Variants in EEIG2 observed in about 807,000 individuals in gnomAD.
EEIG2 encodes family with sequence similarity 102 member B.
At chr1:108,589,559 GT>G in the EEIG2 span, among the ~76,000 whole-genome samples, 1 of 151,748 alleles carries the variant, frequency 6.6e-6, no homozygotes, top group African/African-American at 2.4e-5. Flanking sequence ...TTCTTTAAAG[GT>G]TTTCCCCTTG....
the EEIG2 span, among the ~76,000 whole-genome samples, chr1:108,579,570 C>T: frequency 2.0e-5 from 3 of 149,126 alleles, no homozygotes; most frequent in Admixed American, 1.3e-4. Flanking sequence ...GAATTGAACT[C>T]AGCTCTGCAC....
At chr1:108,572,304 A>G in the EEIG2 span, among the ~76,000 whole-genome samples, 1 of 152,132 alleles carries the variant, frequency 6.6e-6, no homozygotes, top group East Asian at 1.9e-4. Context: ...AATTGAATGG[A>G]AAATACGCAG....
At chr1:108,621,327 G>A in the EEIG2 span, among the ~76,000 whole-genome samples, 1 of 152,186 alleles carries the variant, frequency 6.6e-6, no homozygotes, top group Non-Finnish European at 1.5e-5. Flanking sequence ...GTTGTCCAGG[G>A]AGGTAAGAGA....
the EEIG2 span, among the ~76,000 whole-genome samples, chr1:108,594,160 CA>C: frequency 2.0e-5 from 3 of 151,818 alleles, no homozygotes; most frequent in Non-Finnish European, 4.4e-5. Flanking sequence ...TTAAGTCCAT[CA>C]GAGTAAAAAA....
chr1:108,622,501 T>C, the EEIG2 span, among the ~76,000 whole-genome samples: 1 of 152,170 alleles, frequency 6.6e-6, no homozygotes, highest in Admixed American at 6.5e-5. Context: ...TGGGAAAATG[T>C]TATTAGGAAG....
At chr1:108,633,595 T>C in the EEIG2 span, among the ~76,000 whole-genome samples, 1 of 152,242 alleles carries the variant, frequency 6.6e-6, no homozygotes, top group East Asian at 1.9e-4. Context: ...ACAAGAAGTC[T>C]GCCTGTATTT....
the EEIG2 span, among the ~76,000 whole-genome samples, chr1:108,576,549 T>A: frequency 7.2e-5 from 10 of 137,944 alleles, no homozygotes; most frequent in South Asian, 2.5e-3. Flanking sequence ...ATGCGGTGTT[T>A]GGTTTTTTGT....
chr1:108,591,796 C>A, the EEIG2 span, among the ~76,000 whole-genome samples: 2 of 151,872 alleles, frequency 1.3e-5, no homozygotes, highest in South Asian at 4.2e-4. Context: ...AAACTAGATG[C>A]GTTAGAATTA....
At chr1:108,630,190 A>G in the EEIG2 span, among the ~76,000 whole-genome samples, 3 of 152,188 alleles carry the variant, frequency 2.0e-5, no homozygotes, top group African/African-American at 7.2e-5. Flanking sequence ...TTTTCAGTCA[A>G]TGATCTTATC....
At chr1:108,613,299 C>A in the EEIG2 span, among the ~76,000 whole-genome samples, 1 of 152,128 alleles carries the variant, frequency 6.6e-6, no homozygotes, top group Non-Finnish European at 1.5e-5. Context: ...CAGGGTTAGA[C>A]GGATGAGGAT....
the EEIG2 span, among the ~76,000 whole-genome samples, chr1:108,566,503 C>T: frequency 6.6e-6 from 1 of 152,106 alleles, no homozygotes; most frequent in Non-Finnish European, 1.5e-5. Context: ...TATTTATACA[C>T]TAGATCCAGC....
the EEIG2 span, among the ~76,000 whole-genome samples, chr1:108,619,237 TAC>T: frequency 6.6e-6 from 1 of 152,216 alleles, no homozygotes; most frequent in Non-Finnish European, 1.5e-5. Context: ...AGTTTATATT[TAC>T]AGAGAAAGAC....
At chr1:108,633,187 A>G in the EEIG2 span, among the ~76,000 whole-genome samples, 1 of 152,066 alleles carries the variant, frequency 6.6e-6, no homozygotes, top group African/African-American at 2.4e-5. Context: ...GATACTGTTG[A>G]CCTCTGTAAG....
chr1:108,572,082 A>G, the EEIG2 span, among the ~76,000 whole-genome samples: 2 of 152,180 alleles, frequency 1.3e-5, no homozygotes, highest in South Asian at 2.1e-4. Flanking sequence ...TGCTAATACC[A>G]TCAGTCATCC....
At chr1:108,562,848 GAAAA>G in the EEIG2 span, among the ~76,000 whole-genome samples, 1 of 136,520 alleles carries the variant, frequency 7.3e-6, no homozygotes, top group Non-Finnish European at 1.6e-5. Context: ...CATTTTACAA[GAAAA>G]AAAAAAAAGA....
At chr1:108,606,077 T>C in the EEIG2 span, 10 of 449,900 alleles carry the variant, frequency 2.2e-5, no homozygotes, top group East Asian at 3.5e-4. Context: ...TGTGGGAGTC[T>C]AAATAGTTGG....
the EEIG2 span, among the ~76,000 whole-genome samples, chr1:108,576,560 T>C: frequency 7.2e-6 from 1 of 138,086 alleles, no homozygotes; most frequent in East Asian, 2.1e-4. Context: ...GGTTTTTTGT[T>C]CTTGCAATAG....
At chr1:108,618,836 C>CA in the EEIG2 span, among the ~76,000 whole-genome samples, 95,470 of 141,360 alleles carry the variant, frequency 0.68, 32,917 homozygotes, top group Non-Finnish European at 0.79. Flanking sequence ...GCCCCTGTCT[C>CA]AAAAAAAAAA....
the EEIG2 span, among the ~76,000 whole-genome samples, chr1:108,582,648 G>A: frequency 0.013 from 1,257 of 93,816 alleles, 20 homozygotes; most frequent in African/African-American, 0.046. Flanking sequence ...GGTTTGGATA[G>A]AAGACTTAAC....
Sources: gnomAD v4.1 joint callset for allele counts (sites outside exome capture counted in the v4.1 genomes callset) on GRCh38, gnomAD v4.1.1 for gene constraint, MANE v1.5 for transcripts, NCBI Gene and HGNC (gene_info 2026-07-23, HGNC 2026-07-21) for gene names.